The following CABLES2 variants were observed in gnomAD, a reference collection of about 807,000 sequenced individuals.
CABLES2 encodes the protein CDK5 and ABL1 enzyme substrate 2.
A neutral mutation model predicts 44.8 loss-of-function variants in CABLES2; 35 were observed. The observed-to-expected ratio is 0.78, with a 90% CI of 0.60 to 1.04. CABLES2 has a LOEUF of 1.04. Ranked by LOEUF, CABLES2 falls within the 50% of genes least tolerant of loss-of-function variation. CABLES2 has a pLI of 0.00. For missense variants in CABLES2, 566 were observed against 615.7 expected (o/e 0.92, Z 0.85); for synonymous variants, 282 against 281.1 (o/e 1.00, Z -0.03).
At chr20:62,399,845 C>T (rs1328325755) in intron 1 of CABLES2, among the ~76,000 whole-genome samples, 2 of 152,010 alleles carry the variant, frequency 1.3e-5, no homozygotes, top group Non-Finnish European at 2.9e-5. Context: ...CCGCTGGCCT[C>T]GGCCTCCCAA....
At position 62,393,528 on chromosome 20, in the gene CABLES2, G is replaced by A. The variant is rs754624048; in HGVS notation, c.792C>T (p.Pro264=). Residue 264 remains proline (P), a synonymous_variant, in exon 6 of 10, where the codon CCC becomes CCT. Transcript: ENST00000279101. ...TCCGGGGGACACTGGGCCGAGGTGT[G>A]GGCAGCAGGCCATGGCTGTCACTCT... is the stretch of plus-strand genomic sequence containing the variant. ...THKSDSHGLL[P]TPRPSVPRTL... 1.2e-6 allele frequency: 2 copies of A among 1,613,356 alleles called. No individual in the cohort carries two copies. The highest frequency in any genetic ancestry group is 8.5e-7 in the Non-Finnish European group (1 of 1,179,632).
At chr20:62,405,471 T>G (rs915085518) in intron 1 of CABLES2, 12 of 152,270 alleles carry the variant, frequency 7.9e-5, no homozygotes, top group Admixed American at 3.9e-4. Context: ...GGGGGACATC[T>G]TGTGGACAGG....
At chr20:62,395,199 GC>G (rs965194314) in intron 3 of CABLES2, among the ~76,000 whole-genome samples, 185 bp from the exon 4 acceptor site, 5 of 152,220 alleles carry the variant, frequency 3.3e-5, no homozygotes, top group Non-Finnish European at 7.4e-5. Context: ...ACTAAGCCTG[GC>G]CCCCGCAAGC....
In CABLES2 at chr20:62,388,680, C is replaced by G; in HGVS notation, c.*2291G>C. 1 of 596,028 alleles carries G rather than the reference C, an allele frequency of 1.7e-6. No homozygotes were observed. The highest frequency in any genetic ancestry group is 3.0e-6 in the Non-Finnish European group (1 of 337,770). The allele number at this position is 596,028 out of a possible 1,614,324, so 36.9% of individuals were successfully genotyped here. The stretch of plus-strand genomic sequence containing the variant: ...GACAAATACATTATCCATTTAAAAA[C>G]AGATATCTAAGACAAAATAACTCAA... On this transcript the variant is annotated 3_prime_UTR_variant, in exon 10 of 10. Transcript: ENST00000279101.
At chr20:62,397,370 C>A (rs1988038959) in intron 1 of CABLES2, among the ~76,000 whole-genome samples, 1 of 152,178 alleles carries the variant, frequency 6.6e-6, no homozygotes, top group Non-Finnish European at 1.5e-5. Context: ...GGTCTGTCCC[C>A]ACTCACTGCT....
In CABLES2 at chr20:62,391,715, G is replaced by A. The variant is rs1268504852; in HGVS notation, c.1092-262C>T. ...TGGCAGCTCCCACCTGTGCCTGGTG[G>A]GTGGAGCCACAGAGGACAGGCTCTG... On this transcript the variant is annotated intron_variant, in intron 8 of 9. Transcript: ENST00000279101. This position sits in a 1 kb window ranked among gnomAD's most constrained non-coding sequence, Gnocchi z 5.7. Among the ~76,000 whole-genome samples the A allele has an allele frequency of 6.6e-6, 1 of 151,912 alleles. No homozygotes were observed. Among genetic ancestry groups the A allele is most frequent in the East Asian group, 1.9e-4 (1 of 5,154 alleles).
chr20:62,398,193 A>ATGGTGGTGG (rs1569017836), intron 1 of CABLES2, among the ~76,000 whole-genome samples: 46 of 30,048 alleles, frequency 1.5e-3, no homozygotes, highest in African/African-American at 5.1e-3. Flanking sequence ...GGTGATGGTG[A>ATGGTGGTGG]TGATGGTGGT....
intron 5 of CABLES2, 40 bp from the exon 6 acceptor site, chr20:62,393,645 G>A (rs374153959): frequency 8.5e-6 from 13 of 1,524,058 alleles, no homozygotes; most frequent in Admixed American, 6.1e-5. Flanking sequence ...TCTGCCTCCC[G>A]GGACCAGAGG....
intron 1 of CABLES2, among the ~76,000 whole-genome samples, chr20:62,401,736 T>C (rs997694377): frequency 2.0e-5 from 3 of 152,082 alleles, no homozygotes; most frequent in African/African-American, 7.2e-5. Flanking sequence ...GTCCCCTCAG[T>C]GTGGGGGAGG....
intron 1 of CABLES2, among the ~76,000 whole-genome samples, chr20:62,406,311 CA>C (rs1988283109): frequency 6.6e-6 from 1 of 151,904 alleles, no homozygotes; most frequent in Non-Finnish European, 1.5e-5. Context: ...TGGCCCGGTT[CA>C]AAGAATGCGA....
At position 62,406,930 on chromosome 20, in the gene CABLES2, T is replaced by C. The variant is rs1988304545; in HGVS notation, c.347A>G (p.Asp116Gly). 8.2e-7 allele frequency: 1 copy of C among 1,217,332 alleles called. No homozygotes were observed. The highest frequency in any genetic ancestry group is 1.0e-6 in the Non-Finnish European group (1 of 977,886). 75.4% of individuals were successfully genotyped at this position (1,217,332 alleles called of 1,614,324 possible). The change falls in exon 1 of 10, where the codon GAT becomes GGT. Residue 116 changes from aspartate (D) to glycine (G), a missense_variant. By Grantham distance (94) the Asp-to-Gly change is moderately conservative. Coordinates refer to ENST00000279101, the MANE Select transcript of CABLES2 (RefSeq NM_031215.3). ...CCCCACTCACCTCTGGCGCTGCCCA[T>C]CCAGGCCGAGGCCGGTGGGCACCTG... ...PTQVPTGLGL[D>G]GQRQRKRVTS...
intron 1 of CABLES2, among the ~76,000 whole-genome samples, chr20:62,406,660 C>CCTT (rs1292777063): frequency 2.4e-4 from 9 of 37,696 alleles, no homozygotes; most frequent in Admixed American, 2.3e-3. Flanking sequence ...CAGACTGACC[C>CCTT]TGACCCCTGT....
intron 1 of CABLES2, among the ~76,000 whole-genome samples, chr20:62,398,179 T>TGGTGGTGAC (rs1306811756): frequency 1.9e-4 from 18 of 95,308 alleles, no homozygotes; most frequent in Non-Finnish European, 3.5e-4. Context: ...GTAATGGTGG[T>TGGTGGTGAC]GGTGGTGATG....
At position 62,392,913 on chromosome 20, in the gene CABLES2, C is replaced by T. The variant is rs1337316498; in HGVS notation, c.984+7G>A. 5.6e-6 allele frequency: 9 copies of T among 1,612,182 alleles called. No homozygotes were observed. The highest frequency in any genetic ancestry group is 6.8e-6 in the Non-Finnish European group (8 of 1,178,518). On this transcript the variant is annotated splice_region_variant and intron_variant, in intron 7 of 9. Coordinates refer to ENST00000279101, the MANE Select transcript of CABLES2 (RefSeq NM_031215.3). ...CCTGCACCCAGGCCCTGGGAGAGGG[C>T]ACTCACCATGTACGACGCAAAGATG...
Position 62,392,466 on chromosome 20 carries a change from T to G in CABLES2, c.1014A>C (p.Ser338=). The change falls in exon 8 of 10, where the codon TCA becomes TCC. Residue 338 remains serine, a synonymous_variant. Coordinates refer to ENST00000279101, the MANE Select transcript of CABLES2 (RefSeq NM_031215.3). ...TCTCGTTCATGTCCTTTTTGAGGTCTGAGGGCTTCACGTATTCTATCACTG... is the reference window on the plus strand; with the variant it reads ...TCTCGTTCATGTCCTTTTTGAGGTCGGAGGGCTTCACGTATTCTATCACTG... ...MTTVIEYVKP[S]DLKKDMNETF... 1.2e-6 allele frequency: 2 copies of G among 1,614,080 alleles called. No homozygotes were observed. Among genetic ancestry groups the G allele is most frequent in the Non-Finnish European group, 1.7e-6 (2 of 1,179,946 alleles).
chr20:62,393,430 C>G lies in CABLES2; in HGVS notation c.880+10G>C. 1 of 1,581,720 alleles carries G rather than the reference C, an allele frequency of 6.3e-7. No individual in the cohort carries two copies. The highest frequency in any genetic ancestry group is 8.6e-7 in the Non-Finnish European group (1 of 1,162,114). On this transcript the variant is annotated intron_variant, in intron 6 of 9. Transcript: ENST00000279101. Reference sequence around the variant, plus strand: ...CCTGTTCCAGGCCGTGGTTAAGGCACGTGGGCTACCTAGTTCTGTGCTGGC... The same window carrying G: ...CCTGTTCCAGGCCGTGGTTAAGGCAGGTGGGCTACCTAGTTCTGTGCTGGC...
intron 3 of CABLES2, among the ~76,000 whole-genome samples, chr20:62,395,514 G>C (rs6121563): frequency 6.6e-6 from 1 of 152,230 alleles, no homozygotes; most frequent in Admixed American, 6.5e-5. Context: ...TCCCTTCCAA[G>C]GCGCTCGAGC....
rs763993126 is a variant in CABLES2, at chr20:62,392,959, G to A, written c.945C>T (p.Cys315=). Residue 315 remains cysteine, a synonymous_variant, in exon 7 of 10, where the codon TGC becomes TGT. Transcript: ENST00000279101. ...PNLLDDPQWP[C]GKHKRVLIFA... Reference sequence around the variant, plus strand: ...AGATGAGGACACGTTTGTGCTTGCCGCAGGGCCACTGCGGGTCATCCAGGA... The same window carrying A: ...AGATGAGGACACGTTTGTGCTTGCCACAGGGCCACTGCGGGTCATCCAGGA... 12 of 1,614,056 alleles carry A rather than the reference G, an allele frequency of 7.4e-6. No individual in the cohort carries two copies. Among genetic ancestry groups the A allele is most frequent in the Non-Finnish European group, 1.0e-5 (12 of 1,180,008 alleles).
At chr20:62,397,861 C>T (rs1474841637) in intron 1 of CABLES2, among the ~76,000 whole-genome samples, 1 of 144,894 alleles carries the variant, frequency 6.9e-6, no homozygotes, top group African/African-American at 2.5e-5. Context: ...GGGCTGTTGG[C>T]CCCCAGAAGG....
Sources: gnomAD v4.1 joint callset for allele counts (sites outside exome capture counted in the v4.1 genomes callset) on GRCh38, gnomAD v4.1.1 for gene constraint, Gnocchi (gnomAD v3.1) non-coding constraint, MANE v1.5 for transcripts, NCBI Gene and HGNC (gene_info 2026-07-23, HGNC 2026-07-21) for gene names.